The following WWC2 variants were observed in gnomAD, a reference collection of about 807,000 sequenced individuals.
The protein encoded by WWC2 is WW and C2 domain containing 2.
WWC2 carries 101 observed loss-of-function variants against 138.5 expected under a neutral mutation model. The ratio of observed to expected loss-of-function variants is 0.73; its 90% CI spans 0.62 to 0.86. The LOEUF is 0.86. Ranked by LOEUF, WWC2 falls within the 40% of genes least tolerant of loss-of-function variation. The pLI is 0.00. For synonymous variants in WWC2, 558 were observed against 538.4 expected (o/e 1.04, Z -0.50); for missense variants, 1,420 against 1,419.4 (o/e 1.00, Z -0.01).
chr4:183,286,530 A>T (rs1462993310), intron 20 of WWC2, among the ~76,000 whole-genome samples: 1 of 152,188 alleles, frequency 6.6e-6, no homozygotes, highest in Non-Finnish European at 1.5e-5. Context: ...GTGGGTGGGC[A>T]GCTCGGGTGG....
chr4:183,099,945 C>T (rs931323348), intron 1 of WWC2, among the ~76,000 whole-genome samples: 1 of 152,208 alleles, frequency 6.6e-6, no homozygotes, highest in Non-Finnish European at 1.5e-5. Context: ...TTCGAGGTGC[C>T]CACGTGGAGG....
intron 16 of WWC2, among the ~76,000 whole-genome samples, chr4:183,273,656 A>G (rs906643192): frequency 1.3e-5 from 2 of 152,130 alleles, no homozygotes; most frequent in African/African-American, 4.8e-5. Flanking sequence ...TCTTGATGCA[A>G]ACCCCTTATC....
At chr4:183,196,909 G>A (rs557493442) in intron 2 of WWC2, among the ~76,000 whole-genome samples, 154 of 152,272 alleles carry the variant, frequency 1.0e-3, no homozygotes, top group African/African-American at 3.5e-3. Context: ...AGGACCAGGT[G>A]CATAGGGATT....
At chr4:183,172,146 A>T (rs1479065573) in intron 1 of WWC2, among the ~76,000 whole-genome samples, 1 of 152,094 alleles carries the variant, frequency 6.6e-6, no homozygotes, top group African/African-American at 2.4e-5. Context: ...CACACTGTGT[A>T]TTCTGTTGGT....
Position 183,289,279 on chromosome 4 carries a change from C to G in WWC2, c.3142-114C>G, listed in dbSNP as rs1223696757. 3.4e-6 allele frequency: 5 copies of G among 1,453,958 alleles called. No homozygotes were observed. The East Asian group carries it at 1.2e-4, about 36-fold the overall frequency. 90.1% of individuals were successfully genotyped at this position (1,453,958 alleles called of 1,614,324 possible). Reference sequence around the variant, plus strand: ...GCGAGTTGCTCCTGCCCCTTAGGCCCTGGCTTCTAGGGTGCAAGGAAGCAC... The same window carrying G: ...GCGAGTTGCTCCTGCCCCTTAGGCCGTGGCTTCTAGGGTGCAAGGAAGCAC... On this transcript the variant is annotated intron_variant, in intron 20 of 22. Transcript: ENST00000403733.
At chr4:183,118,590 T>C (rs1732500123) in intron 1 of WWC2, among the ~76,000 whole-genome samples, 1 of 152,336 alleles carries the variant, frequency 6.6e-6, no homozygotes, top group East Asian at 1.9e-4. Context: ...TTTTAGAAAA[T>C]GTGGACAAAT....
intron 1 of WWC2, among the ~76,000 whole-genome samples, chr4:183,140,098 C>T (rs1733255009): frequency 6.6e-6 from 1 of 152,216 alleles, no homozygotes; most frequent in Admixed American, 6.5e-5. Flanking sequence ...AGGCGTGAGC[C>T]ACTGCTCCCA....
intron 6 of WWC2, among the ~76,000 whole-genome samples, chr4:183,247,685 T>TAC (rs1437943763): frequency 1.5e-5 from 2 of 129,508 alleles, no homozygotes; most frequent in Non-Finnish European, 3.2e-5. Flanking sequence ...ATGTACTATA[T>TAC]TCTATATACT....
chr4:183,293,959 CTGT>C (rs1235278293), intron 21 of WWC2, among the ~76,000 whole-genome samples: 21 of 152,064 alleles, frequency 1.4e-4, no homozygotes, highest in Non-Finnish European at 2.4e-4. Context: ...GAGCAGGGGT[CTGT>C]AAGCTTTTCC....
intron 1 of WWC2, among the ~76,000 whole-genome samples, chr4:183,178,979 A>G (rs533811106): frequency 4.6e-5 from 7 of 152,342 alleles, no homozygotes; most frequent in South Asian, 2.1e-4. Context: ...TAAAATGGCT[A>G]TCAGTACCAG....
intron 21 of WWC2, among the ~76,000 whole-genome samples, chr4:183,302,416 C>T (rs1170775503): frequency 6.6e-6 from 1 of 152,162 alleles, no homozygotes; most frequent in African/African-American, 2.4e-5. Flanking sequence ...GTTGGCTTTT[C>T]AAGTCTAGAA....
At chr4:183,127,998 A>C (rs1484977693) in intron 1 of WWC2, among the ~76,000 whole-genome samples, 1 of 151,110 alleles carries the variant, frequency 6.6e-6, no homozygotes, top group East Asian at 2.0e-4. Flanking sequence ...TCTTGGGACT[A>C]GGAGTTCAAG....
At chr4:183,165,097 CT>C (rs1458895456) in intron 1 of WWC2, among the ~76,000 whole-genome samples, 1 of 152,102 alleles carries the variant, frequency 6.6e-6, no homozygotes, top group African/African-American at 2.4e-5. Flanking sequence ...GTTTCAGAGT[CT>C]TGTATTTACT....
Position 183,265,963 on chromosome 4 carries a change from C to A in WWC2, c.2207+12C>A. The A allele has an allele frequency of 6.2e-7, 1 of 1,600,442 alleles. No homozygotes were observed. Among genetic ancestry groups the A allele is most frequent in the South Asian group, 1.1e-5 (1 of 88,896 alleles). On this transcript the variant is annotated intron_variant, in intron 14 of 22. Coordinates refer to ENST00000403733, the MANE Select transcript of WWC2 (RefSeq NM_024949.6). ...CATACTTCAAAAGTGTAAGTAAAAT[C>A]AGCGAAGATCAAATTGAGGAACTTA...
chr4:183,255,252 G>C (rs1163478821), intron 9 of WWC2, among the ~76,000 whole-genome samples: 1 of 152,052 alleles, frequency 6.6e-6, no homozygotes, highest in African/African-American at 2.4e-5. Flanking sequence ...TAATTTTGCT[G>C]ACCAAACGGT....
chr4:183,121,202 C>CT (rs1314832455), intron 1 of WWC2, among the ~76,000 whole-genome samples: 1 of 146,016 alleles, frequency 6.8e-6, no homozygotes, highest in Non-Finnish European at 1.5e-5. Flanking sequence ...GAGACATTAT[C>CT]TCAAAAAAAA....
At chr4:183,147,861 A>G (rs916449914) in intron 1 of WWC2, among the ~76,000 whole-genome samples, 1 of 152,214 alleles carries the variant, frequency 6.6e-6, no homozygotes, top group Non-Finnish European at 1.5e-5. Context: ...TTTCTCTGGT[A>G]AGGTATATAT....
At chr4:183,188,718 C>T (rs958666969) in intron 1 of WWC2, among the ~76,000 whole-genome samples, 1 of 147,512 alleles carries the variant, frequency 6.8e-6, no homozygotes, top group African/African-American at 2.5e-5. Flanking sequence ...GATCTTCACT[C>T]ACTGCAACCT....
intron 21 of WWC2, among the ~76,000 whole-genome samples, chr4:183,292,696 CA>C (rs1560890607): frequency 6.6e-6 from 1 of 151,756 alleles, no homozygotes; most frequent in South Asian, 2.1e-4. Context: ...GCCACACTTT[CA>C]AAAAAGAAAT....
Sources: gnomAD v4.1 joint callset for allele counts (sites outside exome capture counted in the v4.1 genomes callset) on GRCh38, gnomAD v4.1.1 for gene constraint, MANE v1.5 for transcripts, NCBI Gene and HGNC (gene_info 2026-07-23, HGNC 2026-07-21) for gene names.